Variants in WWP1 observed in about 807,000 individuals in gnomAD.
The protein encoded by WWP1 is WW domain containing E3 ubiquitin protein ligase 1, also known as NEDD4-like E3 ubiquitin-protein ligase WWP1.
Under a neutral mutation model 130.6 loss-of-function variants are expected in WWP1, and 49 were observed. That is an observed-to-expected ratio of 0.38 (90% CI 0.30 to 0.48). The LOEUF (loss-of-function observed/expected upper bound fraction) is 0.48, where lower values mean the gene tolerates loss of function less well. Among genes scored for constraint, WWP1 ranks in the 20% least tolerant of loss-of-function variants. The pLI, the probability that WWP1 is intolerant of heterozygous loss-of-function variation, is 0.99. For missense variants in WWP1, 809 were observed against 1,100.6 expected, an observed-to-expected ratio of 0.74 and a Z score of 3.75; for synonymous variants, 332 against 367.8, an observed-to-expected ratio of 0.90 and a Z score of 1.11.
At chr8:86,464,854 C>T (rs928999027) in intron 24 of WWP1, among the ~76,000 whole-genome samples, 1 of 152,002 alleles carries the variant, frequency 6.6e-6, no homozygotes, top group African/African-American at 2.4e-5. Flanking sequence ...AGTCCTGTGA[C>T]CAAAATTTGA....
intron 2 of WWP1, among the ~76,000 whole-genome samples, chr8:86,373,392 T>C (rs919339235): frequency 1.3e-5 from 2 of 152,202 alleles, no homozygotes; most frequent in Admixed American, 1.3e-4. Context: ...GCTTGACTTA[T>C]GATTAATTGG....
chr8:86,372,384 T>C (rs533434586), intron 2 of WWP1, among the ~76,000 whole-genome samples: 4 of 152,336 alleles, frequency 2.6e-5, no homozygotes, highest in African/African-American at 9.6e-5. Flanking sequence ...GGTCTTGAAC[T>C]CCTGACCTCA....
chr8:86,467,041 C>A lies in WWP1; in HGVS notation c.*148C>A. ...TTTTCCGTTCTTCCACAGAAATATG[C>A]AAAACAGTTCATCCTTTTCTACTTT... On this transcript the variant is annotated 3_prime_UTR_variant, in exon 25 of 25. Coordinates refer to ENST00000517970, the MANE Select transcript of WWP1 (RefSeq NM_007013.4). 1.6e-6 allele frequency: 1 copy of A among 608,822 alleles called. No homozygotes were observed. Among genetic ancestry groups the A allele is most frequent in the South Asian group, 2.0e-5 (1 of 48,834 alleles). The allele number at this position is 608,822 out of a possible 1,614,324, so 37.7% of individuals were successfully genotyped here.
intron 7 of WWP1, among the ~76,000 whole-genome samples, chr8:86,399,700 A>G (rs1199816646): frequency 6.6e-6 from 1 of 152,162 alleles, no homozygotes; most frequent in Non-Finnish European, 1.5e-5. Flanking sequence ...TTACTACCAA[A>G]TGTTGTCAAT....
chr8:86,364,835 G>GAA (rs763835535), intron 1 of WWP1, among the ~76,000 whole-genome samples: 152 of 107,372 alleles, frequency 1.4e-3, no homozygotes, highest in African/African-American at 4.5e-3. Context: ...AAGAAAGAAA[G>GAA]AGAGAGAGAG....
At chr8:86,446,634 A>T (rs1341235955) in intron 18 of WWP1, among the ~76,000 whole-genome samples, 1 of 152,138 alleles carries the variant, frequency 6.6e-6, no homozygotes, top group African/African-American at 2.4e-5. Context: ...TCTTGAGTTA[A>T]TTTTTGTGTA....
At chr8:86,402,915 A>G (rs2130513780) in intron 8 of WWP1, among the ~76,000 whole-genome samples, 1 of 152,316 alleles carries the variant, frequency 6.6e-6, no homozygotes, top group Non-Finnish European at 1.5e-5. Context: ...CTTGGCATCT[A>G]ACTTGGTGGA....
In WWP1 at chr8:86,376,554, G is replaced by T. The variant is rs572107441; in HGVS notation, c.70+2434G>T. ...ACTGCATTCCAGCCTGGGGGATAAAGTGAGGCTCTGTCTCAAAAAAAAAAG... is the reference window on the plus strand; with the variant it reads ...ACTGCATTCCAGCCTGGGGGATAAATTGAGGCTCTGTCTCAAAAAAAAAAG... On this transcript the variant is annotated intron_variant, in intron 3 of 24. Coordinates refer to ENST00000517970, the MANE Select transcript of WWP1 (RefSeq NM_007013.4). 2.0e-5 allele frequency among the ~76,000 whole-genome samples: 3 copies of T among 152,104 alleles called. No individual in the cohort carries two copies. In the South Asian group the frequency reaches 6.2e-4, roughly 32 times the overall value.
At chr8:86,414,267 A>G (rs564532749) in intron 9 of WWP1, among the ~76,000 whole-genome samples, 57 of 152,150 alleles carry the variant, frequency 3.7e-4, no homozygotes, top group African/African-American at 1.2e-3. Context: ...GTATGTAAGT[A>G]AAATCAGTAG....
intron 2 of WWP1, 132 bp from the exon 3 acceptor site, chr8:86,373,898 G>T (rs1824475805): frequency 6.7e-6 from 4 of 596,300 alleles, no homozygotes; most frequent in Non-Finnish European, 1.1e-5. Flanking sequence ...CTTTTAATGG[G>T]ATGGTAATAG....
intron 3 of WWP1, among the ~76,000 whole-genome samples, chr8:86,376,091 A>G (rs1298123927): frequency 6.6e-6 from 1 of 152,214 alleles, no homozygotes. Flanking sequence ...GATGAAGCTG[A>G]TAGGTACTCC....
At chr8:86,423,842 G>A (rs1586421319) in intron 9 of WWP1, among the ~76,000 whole-genome samples, 1 of 143,618 alleles carries the variant, frequency 7.0e-6, no homozygotes, top group African/African-American at 2.6e-5. Context: ...CGGGGCGGCG[G>A]CTGGGCAGAG....
intron 1 of WWP1, among the ~76,000 whole-genome samples, chr8:86,354,673 A>G (rs1186614526): frequency 2.0e-5 from 3 of 152,176 alleles, no homozygotes; most frequent in African/African-American, 7.2e-5. Context: ...AAAATGTGGC[A>G]GTACTGTATT....
At chr8:86,410,505 G>A (rs1003991795) in intron 8 of WWP1, among the ~76,000 whole-genome samples, 3 of 151,984 alleles carry the variant, frequency 2.0e-5, no homozygotes, top group African/African-American at 7.3e-5. Flanking sequence ...CAGCTTTCCT[G>A]AGTAAAAAAA....
At chr8:86,462,412 A>G (rs1427508797) in intron 24 of WWP1, among the ~76,000 whole-genome samples, 1 of 149,170 alleles carries the variant, frequency 6.7e-6, no homozygotes, top group Admixed American at 6.7e-5. Flanking sequence ...TGAATATGAT[A>G]GGTGTGATTG....
chr8:86,354,749 A>G (rs867837152), intron 1 of WWP1, among the ~76,000 whole-genome samples: 4 of 152,046 alleles, frequency 2.6e-5, no homozygotes, highest in South Asian at 2.1e-4. Context: ...TTCTTTACCT[A>G]CTTTTCTCTA....
At chr8:86,423,476 A>G (rs1809349475) in intron 9 of WWP1, among the ~76,000 whole-genome samples, 1 of 152,182 alleles carries the variant, frequency 6.6e-6, no homozygotes, top group Non-Finnish European at 1.5e-5. Flanking sequence ...CACATCTTGC[A>G]CTGCCCTTAA....
intron 1 of WWP1, among the ~76,000 whole-genome samples, chr8:86,366,225 A>T (rs1823957669): frequency 6.6e-6 from 1 of 152,288 alleles, no homozygotes; most frequent in South Asian, 2.1e-4. Flanking sequence ...CAAGTTCAGG[A>T]TGGGGCCATA....
intron 22 of WWP1, among the ~76,000 whole-genome samples, chr8:86,459,023 CTTTTTTTTTT>C (rs71275853): frequency 1.2e-5 from 1 of 84,254 alleles, no homozygotes; most frequent in Non-Finnish European, 2.1e-5. Context: ...TTTCTTTTTT[CTTTTTTTTTT>C]TTTTTTTTTT....
Sources: gnomAD v4.1 joint callset for allele counts (sites outside exome capture counted in the v4.1 genomes callset) on GRCh38, gnomAD v4.1.1 for gene constraint, MANE v1.5 for transcripts, NCBI Gene and HGNC (gene_info 2026-07-23, HGNC 2026-07-21) for gene names.